CAST: variants seen among roughly 807,000 people sequenced by gnomAD.
The protein encoded by CAST is calpastatin.
A neutral mutation model predicts 119.6 loss-of-function variants in CAST; 76 were observed. That is an observed-to-expected ratio of 0.64 (90% confidence interval 0.53 to 0.77). CAST has a LOEUF of 0.77. Among genes scored for constraint, CAST ranks in the 30% least tolerant of loss-of-function variants. The pLI is 0.00. For synonymous variants in CAST, 319 were observed against 331.6 expected, an observed-to-expected ratio of 0.96 and a Z score of 0.41; for missense variants, 953 against 946.5, an observed-to-expected ratio of 1.01 and a Z score of -0.09.
the CAST span, among the ~76,000 whole-genome samples, chr5:96,511,731 C>T: frequency 3.9e-5 from 6 of 152,258 alleles, no homozygotes; most frequent in Non-Finnish European, 5.9e-5. Context: ...ACACTAGCCT[C>T]TGGGCTTCTC....
At chr5:95,977,876 C>T in the CAST span, among the ~76,000 whole-genome samples, 4 of 152,056 alleles carry the variant, frequency 2.6e-5, no homozygotes, top group Non-Finnish European at 5.9e-5. Flanking sequence ...TCATTTAGCT[C>T]CCACTTCTAA....
chr5:96,433,076 G>A, the CAST span: 2 of 1,606,106 alleles, frequency 1.2e-6, no homozygotes, highest in Non-Finnish European at 1.7e-6. Flanking sequence ...GAGTGGGAAG[G>A]GAAGAGGAAA....
At chr5:96,365,726 A>G in the CAST span, among the ~76,000 whole-genome samples, 1 of 152,164 alleles carries the variant, frequency 6.6e-6, no homozygotes, top group Admixed American at 6.6e-5. Context: ...GTCTCTGCAC[A>G]TGAGATGGGT....
At chr5:96,493,772 C>G in the CAST span, among the ~76,000 whole-genome samples, 2 of 152,224 alleles carry the variant, frequency 1.3e-5, no homozygotes, top group African/African-American at 4.8e-5. Flanking sequence ...GGAACGGTGT[C>G]TCATGCCTGT....
At chr5:96,455,077 A>C in the CAST span, among the ~76,000 whole-genome samples, 1 of 152,264 alleles carries the variant, frequency 6.6e-6, no homozygotes, top group African/African-American at 2.4e-5. Context: ...ATAATAACGC[A>C]GGCATATGGC....
At chr5:96,468,637 A>G in the CAST span, among the ~76,000 whole-genome samples, 1 of 152,142 alleles carries the variant, frequency 6.6e-6, no homozygotes, top group Non-Finnish European at 1.5e-5. Flanking sequence ...AATGCTGAAG[A>G]TTTCAAAACC....
At chr5:96,174,757 A>G in the CAST span, among the ~76,000 whole-genome samples, 1 of 152,240 alleles carries the variant, frequency 6.6e-6, no homozygotes, top group Non-Finnish European at 1.5e-5. Context: ...GTGTTTTTAT[A>G]GTAGTGTTGC....
intron 9 of CAST, among the ~76,000 whole-genome samples, chr5:96,732,979 C>T (rs956990911): frequency 1.3e-5 from 2 of 152,086 alleles, no homozygotes; most frequent in Non-Finnish European, 2.9e-5. Flanking sequence ...TATCCTGCTA[C>T]AGCTAAATGG....
the CAST span, among the ~76,000 whole-genome samples, chr5:96,352,471 C>G: frequency 6.6e-6 from 1 of 152,204 alleles, no homozygotes; most frequent in African/African-American, 2.4e-5. Context: ...TTTCAGAAGG[C>G]TTTTTAAATT....
the CAST span, among the ~76,000 whole-genome samples, chr5:96,003,537 C>CAAAA: frequency 1.8e-5 from 1 of 56,720 alleles, no homozygotes; most frequent in Non-Finnish European, 4.0e-5. Flanking sequence ...GACTCCATCT[C>CAAAA]AAAAAAAAAA....
At chr5:96,162,325 T>C in the CAST span, among the ~76,000 whole-genome samples, 1 of 152,234 alleles carries the variant, frequency 6.6e-6, no homozygotes, top group Non-Finnish European at 1.5e-5. Flanking sequence ...ATGAAAGATG[T>C]AGAATTTTTA....
the CAST span, among the ~76,000 whole-genome samples, chr5:96,174,906 T>C: frequency 1.3e-5 from 2 of 152,146 alleles, no homozygotes; most frequent in Non-Finnish European, 2.9e-5. Context: ...TCAAAAGCTT[T>C]CCTCCTCAAT....
At chr5:96,322,293 T>C in the CAST span, among the ~76,000 whole-genome samples, 1 of 152,146 alleles carries the variant, frequency 6.6e-6, no homozygotes, top group Non-Finnish European at 1.5e-5. Flanking sequence ...CAGAGGCTGG[T>C]ACGCTGTGTA....
intron 1 of CAST, among the ~76,000 whole-genome samples, chr5:96,639,209 C>A (rs1000378370): frequency 6.6e-6 from 1 of 152,136 alleles, no homozygotes; most frequent in Non-Finnish European, 1.5e-5. Context: ...AACTACAGGG[C>A]CCCCCATACT....
At chr5:96,696,091 T>A (rs933167521) in intron 3 of CAST, 184 bp downstream of exon 3, 2 of 370,240 alleles carry the variant, frequency 5.4e-6, no homozygotes, top group African/African-American at 4.1e-5. Context: ...ATTTAAAACC[T>A]AGTAAAACCA....
the CAST span, among the ~76,000 whole-genome samples, chr5:96,296,801 G>T: frequency 6.6e-6 from 1 of 152,162 alleles, no homozygotes; most frequent in Admixed American, 6.5e-5. Flanking sequence ...GGAGGAAAAT[G>T]TGTCTTTGCT....
chr5:96,640,870 C>T (rs1274906882), intron 1 of CAST, among the ~76,000 whole-genome samples: 1 of 152,184 alleles, frequency 6.6e-6, no homozygotes, highest in Non-Finnish European at 1.5e-5. Context: ...TGAGGTCTTT[C>T]TTCTGGCAGC....
intron 1 of CAST, chr5:96,545,442 G>A (rs1436868837): frequency 6.6e-6 from 1 of 152,158 alleles, no homozygotes; most frequent in Non-Finnish European, 1.5e-5. Context: ...AGATAGTAGG[G>A]CTGCCAGAAT....
the CAST span, among the ~76,000 whole-genome samples, chr5:96,427,503 A>T: frequency 6.6e-6 from 1 of 152,182 alleles, no homozygotes; most frequent in South Asian, 2.1e-4. Context: ...TCCTAAAATA[A>T]AATTATTCTT....
Sources: allele counts gnomAD v4.1 joint callset (sites outside exome capture counted in the v4.1 genomes callset), GRCh38; gene constraint gnomAD v4.1.1; transcripts MANE v1.5; gene names NCBI Gene and HGNC (gene_info 2026-07-23, HGNC 2026-07-21).